AGBL4: variants seen among roughly 807,000 people sequenced by gnomAD.
AGBL4 encodes cytosolic carboxypeptidase 6.
AGBL4 carries 58 observed loss-of-function variants against 66.4 expected under a neutral mutation model. That is an observed-to-expected ratio of 0.87 (90% CI 0.71 to 1.09). The LOEUF is 1.09. Ranked by LOEUF, AGBL4 falls within the 50% of genes least tolerant of loss-of-function variation. The probability of loss-of-function intolerance (pLI) is 0.00; values close to 1 mark genes in which losing one functional copy is unlikely to be tolerated. For synonymous variants in AGBL4, 234 were observed against 222.9 expected, an observed-to-expected ratio of 1.05 and a Z score of -0.44; for missense variants, 579 against 631.0, an observed-to-expected ratio of 0.92 and a Z score of 0.88.
At chr1:49,863,441 T>A (rs891921466) in intron 1 of AGBL4, among the ~76,000 whole-genome samples, 2 of 152,086 alleles carry the variant, frequency 1.3e-5, no homozygotes, top group African/African-American at 4.8e-5. Flanking sequence ...TGACATCACA[T>A]ACAGTTAAAA....
At position 48,712,308 on chromosome 1, in the gene AGBL4, G is replaced by A. The variant is rs773754750; in HGVS notation, c.635-49067C>T. ...CCTTCCCTCCAATCCTCAACACCAC[G>A]CTGGGAGGAGGGAGACAGGCTCTTC... On this transcript the variant is annotated intron_variant, in intron 6 of 13. Coordinates refer to ENST00000371839, the MANE Select transcript of AGBL4 (RefSeq NM_032785.4). 3.5e-4 allele frequency among the ~76,000 whole-genome samples: 54 copies of A among 152,120 alleles called. 1 individual carries two copies. Among genetic ancestry groups the A allele is most frequent in the Admixed American group, 1.8e-3 (28 of 15,278 alleles).
chr1:49,092,083 G>T (rs896346955), intron 4 of AGBL4, among the ~76,000 whole-genome samples: 3 of 151,904 alleles, frequency 2.0e-5, no homozygotes, highest in Non-Finnish European at 4.4e-5. Context: ...ATCTGGTACT[G>T]GTACCTGGGT....
chr1:49,657,605 C>T (rs1282832595), intron 3 of AGBL4, among the ~76,000 whole-genome samples: 11 of 152,188 alleles, frequency 7.2e-5, no homozygotes, highest in Non-Finnish European at 1.2e-4. Context: ...TGACTTCAAA[C>T]TATACTACAA....
intron 3 of AGBL4, among the ~76,000 whole-genome samples, chr1:49,633,472 T>C (rs371315559): frequency 3.0e-4 from 45 of 152,144 alleles, no homozygotes; most frequent in South Asian, 2.5e-3. Context: ...TATAATACAG[T>C]AAAGAAATAA....
At chr1:49,562,962 G>C (rs1295679892) in intron 3 of AGBL4, among the ~76,000 whole-genome samples, 3 of 152,078 alleles carry the variant, frequency 2.0e-5, no homozygotes, top group Non-Finnish European at 4.4e-5. Context: ...TCTTCCATTT[G>C]TTTGTATCCT....
At chr1:48,607,617 C>T (rs1480287834) in intron 9 of AGBL4, among the ~76,000 whole-genome samples, 2 of 151,872 alleles carry the variant, frequency 1.3e-5, no homozygotes, top group Non-Finnish European at 2.9e-5. Flanking sequence ...AGACTCCATC[C>T]CCCCACCCCC....
At chr1:48,576,290 C>A (rs749739014) in intron 11 of AGBL4, among the ~76,000 whole-genome samples, 23 of 152,150 alleles carry the variant, frequency 1.5e-4, no homozygotes, top group Non-Finnish European at 1.2e-4. Flanking sequence ...ATAACTGATG[C>A]CTGATGATCT....
chr1:49,829,066 C>T (rs1183847631), intron 2 of AGBL4, among the ~76,000 whole-genome samples: 3 of 143,158 alleles, frequency 2.1e-5, no homozygotes, highest in African/African-American at 7.8e-5. Context: ...GAGACTCCGT[C>T]TCAAAAAAAA....
At chr1:49,100,768 A>G (rs900715024) in intron 4 of AGBL4, among the ~76,000 whole-genome samples, 1 of 152,208 alleles carries the variant, frequency 6.6e-6, no homozygotes, top group Admixed American at 6.5e-5. Context: ...TCCAGGAAGT[A>G]ACACCAAGGA....
intron 1 of AGBL4, among the ~76,000 whole-genome samples, chr1:49,921,545 C>T (rs1198276172): frequency 6.6e-6 from 1 of 152,052 alleles, no homozygotes; most frequent in Non-Finnish European, 1.5e-5. Context: ...CATCTGCAAG[C>T]TGAAGAAGAA....
intron 5 of AGBL4, among the ~76,000 whole-genome samples, chr1:48,973,051 A>AGT (rs1290482029): frequency 1.3e-5 from 2 of 152,012 alleles, no homozygotes; most frequent in East Asian, 1.9e-4. Context: ...AGTGTGTGCA[A>AGT]GTGTGTGTGT....
chr1:49,147,970 G>T (rs1646252596), intron 4 of AGBL4, among the ~76,000 whole-genome samples: 1 of 152,076 alleles, frequency 6.6e-6, no homozygotes, highest in Non-Finnish European at 1.5e-5. Flanking sequence ...TCCTCAGAGG[G>T]TACCTGCAAA....
intron 6 of AGBL4, among the ~76,000 whole-genome samples, chr1:48,787,108 G>A (rs1645427698): frequency 6.6e-6 from 1 of 152,078 alleles, no homozygotes; most frequent in South Asian, 2.1e-4. Flanking sequence ...GGTCACACAG[G>A]AGTAAATGGT....
intron 4 of AGBL4, among the ~76,000 whole-genome samples, chr1:49,126,435 T>C (rs911854445): frequency 2.6e-5 from 4 of 152,124 alleles, no homozygotes; most frequent in African/African-American, 9.6e-5. Flanking sequence ...TGCAAATGTA[T>C]GGGTGAGGAA....
At chr1:49,185,605 T>C (rs1647002443) in intron 4 of AGBL4, among the ~76,000 whole-genome samples, 1 of 152,202 alleles carries the variant, frequency 6.6e-6, no homozygotes. Flanking sequence ...TGGACATATG[T>C]TCTTCCTGAT....
At chr1:49,886,782 C>G (rs1474473081) in intron 1 of AGBL4, among the ~76,000 whole-genome samples, 1 of 152,126 alleles carries the variant, frequency 6.6e-6, no homozygotes, top group Non-Finnish European at 1.5e-5. Flanking sequence ...GTAATCTTGT[C>G]AAGCTCTACA....
chr1:49,160,020 G>T (rs1646510374), intron 4 of AGBL4, among the ~76,000 whole-genome samples: 1 of 152,122 alleles, frequency 6.6e-6, no homozygotes, highest in Non-Finnish European at 1.5e-5. Context: ...TGCTCCTTAA[G>T]CTTGGAAGAG....
chr1:49,118,838 T>G (rs1474409027), intron 4 of AGBL4, among the ~76,000 whole-genome samples: 2 of 152,228 alleles, frequency 1.3e-5, no homozygotes, highest in African/African-American at 4.8e-5. Flanking sequence ...GGACTTTTTT[T>G]GGTTGGTAGG....
intron 6 of AGBL4, among the ~76,000 whole-genome samples, chr1:48,688,763 G>C (rs1646573886): frequency 6.6e-6 from 1 of 151,668 alleles, no homozygotes; most frequent in Admixed American, 6.6e-5. Flanking sequence ...TTTGGTCAGA[G>C]AAACTCCACA....
Sources: allele counts gnomAD v4.1 joint callset (sites outside exome capture counted in the v4.1 genomes callset), GRCh38; gene constraint gnomAD v4.1.1; transcripts MANE v1.5; gene names NCBI Gene and HGNC (gene_info 2026-07-23, HGNC 2026-07-21).